Variants in COL21A1 observed in about 807,000 individuals in gnomAD.
COL21A1 encodes collagen alpha-1(XXI) chain.
A neutral mutation model predicts 137.9 loss-of-function variants in COL21A1; 149 were observed. That is an observed-to-expected ratio of 1.08 (90% CI 0.95 to 1.24). COL21A1 has a LOEUF of 1.24. Ranked by LOEUF, COL21A1 falls within the 50% of genes most tolerant of loss-of-function variation. COL21A1 has a pLI of 0.00. For missense variants in COL21A1, 1,167 were observed against 1,158.4 expected, an observed-to-expected ratio of 1.01 and a Z score of -0.11; for synonymous variants, 456 against 391.5, an observed-to-expected ratio of 1.16 and a Z score of -1.95.
intron 1 of COL21A1, among the ~76,000 whole-genome samples, chr6:56,392,024 C>T (rs972480916): frequency 1.3e-5 from 2 of 152,190 alleles, no homozygotes. Flanking sequence ...CTATTACCCT[C>T]ATATCAAAAC....
At chr6:56,086,642 G>C (rs1768274991) in intron 17 of COL21A1, among the ~76,000 whole-genome samples, 1 of 152,098 alleles carries the variant, frequency 6.6e-6, no homozygotes, top group South Asian at 2.1e-4. Context: ...AGGGGTGACA[G>C]AGACAGATGT....
chr6:56,126,095 C>G lies in COL21A1; in HGVS notation c.1596+1G>C. 6.5e-7 allele frequency: 1 copy of G among 1,541,244 alleles called. No individual in the cohort carries two copies. Among genetic ancestry groups the G allele is most frequent in the South Asian group, 1.2e-5 (1 of 82,150 alleles). On this transcript the variant is annotated splice_donor_variant, in intron 13 of 29. Transcript: ENST00000244728. LOFTEE classifies it high-confidence loss of function. ...ATTTAAAAGAAACAGATTTCTTCAA[C>G]CTTTGATCCTGGCATGCCATGAAGC...
intron 1 of COL21A1, among the ~76,000 whole-genome samples, chr6:56,260,713 C>G (rs796876325): frequency 3.1e-4 from 19 of 60,362 alleles, no homozygotes; most frequent in African/African-American, 1.4e-3. Context: ...GGCAGGCAGG[C>G]AGGAAGGGAG....
intron 1 of COL21A1, among the ~76,000 whole-genome samples, chr6:56,215,930 T>C (rs1345890158): frequency 4.6e-5 from 7 of 152,234 alleles, no homozygotes; most frequent in East Asian, 1.9e-4. Context: ...TATGTGTATA[T>C]ATTCCAACTG....
chr6:56,188,808 C>A (rs1030659365), intron 1 of COL21A1, among the ~76,000 whole-genome samples: 1 of 152,200 alleles, frequency 6.6e-6, no homozygotes, highest in Non-Finnish European at 1.5e-5. Flanking sequence ...CTTTGCTGTT[C>A]TGCAGACTCC....
At chr6:56,374,155 T>G (rs919066253) in intron 1 of COL21A1, among the ~76,000 whole-genome samples, 1 of 152,216 alleles carries the variant, frequency 6.6e-6, no homozygotes, top group East Asian at 1.9e-4. Flanking sequence ...TGGCACGACT[T>G]GTATGAAATA....
intron 1 of COL21A1, among the ~76,000 whole-genome samples, chr6:56,368,281 T>C (rs1280545588): frequency 6.6e-6 from 1 of 152,232 alleles, no homozygotes; most frequent in Non-Finnish European, 1.5e-5. Flanking sequence ...TATTCTCTCA[T>C]TTGTTGAGCT....
At chr6:56,356,438 C>A (rs6920964) in intron 1 of COL21A1, among the ~76,000 whole-genome samples, 13 of 151,908 alleles carry the variant, frequency 8.6e-5, no homozygotes, top group Non-Finnish European at 1.5e-4. Flanking sequence ...CCTCTGCCCC[C>A]CAAAGAGACA....
At chr6:56,276,800 TTTTTTTG>T in intron 1 of COL21A1, 49 of 863,432 alleles carry the variant, frequency 5.7e-5, no homozygotes, top group Non-Finnish European at 8.3e-5. Context: ...TGAGTTGTGT[TTTTTTTG>T]TTTTTTTTGT....
chr6:56,218,296 T>TAAAAA (rs11416360), intron 1 of COL21A1, among the ~76,000 whole-genome samples: 1 of 148,302 alleles, frequency 6.7e-6, no homozygotes, highest in African/African-American at 2.5e-5. Context: ...TATGGCTTTG[T>TAAAAA]AAAAAAAAAA....
At chr6:56,307,085 T>C (rs1562048652) in intron 1 of COL21A1, among the ~76,000 whole-genome samples, 1 of 152,166 alleles carries the variant, frequency 6.6e-6, no homozygotes, top group Admixed American at 6.5e-5. Context: ...CCTCTGGAAG[T>C]TTTGTCTCAG....
At chr6:56,379,622 T>A (rs1032782308) in intron 1 of COL21A1, among the ~76,000 whole-genome samples, 5 of 152,088 alleles carry the variant, frequency 3.3e-5, no homozygotes, top group African/African-American at 1.2e-4. Context: ...TACATAAACA[T>A]CAAAAACTGT....
intron 3 of COL21A1, among the ~76,000 whole-genome samples, chr6:56,175,260 T>C (rs1777371429): frequency 6.6e-6 from 1 of 152,108 alleles, no homozygotes; most frequent in Admixed American, 6.5e-5. Flanking sequence ...ATTTCACCAC[T>C]TCTATTCAAC....
intron 1 of COL21A1, among the ~76,000 whole-genome samples, chr6:56,258,641 G>A (rs1763174062): frequency 6.6e-6 from 1 of 152,088 alleles, no homozygotes; most frequent in Non-Finnish European, 1.5e-5. Context: ...GACCTGTTTT[G>A]GCTCACAGGT....
chr6:56,339,566 TTCTC>T (rs35073961), intron 1 of COL21A1, among the ~76,000 whole-genome samples: 5 of 151,836 alleles, frequency 3.3e-5, no homozygotes, highest in Admixed American at 2.6e-4. Flanking sequence ...ATCTTTGGTT[TTCTC>T]TCTGTTAGTG....
At chr6:56,359,085 T>C (rs1765904513) in intron 1 of COL21A1, among the ~76,000 whole-genome samples, 2 of 152,214 alleles carry the variant, frequency 1.3e-5, no homozygotes, top group Non-Finnish European at 2.9e-5. Context: ...ATAATTCACT[T>C]CTAAAATATA....
At chr6:56,059,084 A>C (rs1167845755) in intron 29 of COL21A1, 81 bp downstream of exon 29, 2 of 1,059,266 alleles carry the variant, frequency 1.9e-6, no homozygotes. Context: ...TCTCAGTTTC[A>C]ATTTATTTCA....
chr6:56,262,871 C>A (rs1763311083), intron 1 of COL21A1, among the ~76,000 whole-genome samples: 1 of 152,158 alleles, frequency 6.6e-6, no homozygotes, highest in South Asian at 2.1e-4. Flanking sequence ...AAGGACTACT[C>A]CAGCTAGAAA....
At chr6:56,113,918 C>T (rs771604531) in intron 16 of COL21A1, among the ~76,000 whole-genome samples, 1 of 152,136 alleles carries the variant, frequency 6.6e-6, no homozygotes, top group Non-Finnish European at 1.5e-5. Flanking sequence ...CGTCAGTGGT[C>T]ATCTGGCAGT....
Sources: allele counts gnomAD v4.1 joint callset (sites outside exome capture counted in the v4.1 genomes callset), GRCh38; gene constraint gnomAD v4.1.1; transcripts MANE v1.5; gene names NCBI Gene and HGNC (gene_info 2026-07-23, HGNC 2026-07-21).